Variants in CSNK1G1 observed in about 807,000 individuals in gnomAD.
The protein encoded by CSNK1G1 is casein kinase 1 gamma 1.
CSNK1G1 carries 22 observed loss-of-function variants against 59.6 expected under a neutral mutation model. That is an observed-to-expected ratio of 0.37 (90% CI 0.26 to 0.53). The LOEUF (loss-of-function observed/expected upper bound fraction) is 0.53, where lower values mean the gene tolerates loss of function less well. CSNK1G1 is among the 20% of genes least tolerant of loss of function. CSNK1G1 has a pLI of 0.89. For synonymous variants in CSNK1G1, 179 were observed against 177.1 expected, an observed-to-expected ratio of 1.01 and a Z score of -0.08; for missense variants, 384 against 519.5, an observed-to-expected ratio of 0.74 and a Z score of 2.54.
intron 1 of CSNK1G1, among the ~76,000 whole-genome samples, chr15:64,327,045 T>C (rs1401455734): frequency 6.6e-6 from 1 of 151,108 alleles, no homozygotes; most frequent in Non-Finnish European, 1.5e-5. Context: ...TCTCGCTGAT[T>C]GCTAGCACAG....
chr15:64,289,079 G>A (rs148818025), intron 2 of CSNK1G1, among the ~76,000 whole-genome samples: 1,871 of 151,762 alleles, frequency 0.012, 29 homozygotes, highest in African/African-American at 0.044. Context: ...AGAGGCTGAG[G>A]CAAGGCACGA....
At chr15:64,194,641 C>T (rs1372695501) in intron 10 of CSNK1G1, among the ~76,000 whole-genome samples, 1 of 151,760 alleles carries the variant, frequency 6.6e-6, no homozygotes, top group Non-Finnish European at 1.5e-5. Flanking sequence ...CTCAGCCTCC[C>T]AAGTAGCTGG....
rs954270885 is a variant in CSNK1G1 at position 64,188,215 on chromosome 15, G to A, written c.1108-7761C>T. Among the ~76,000 whole-genome samples the A allele has an allele frequency of 3.9e-5, 6 of 152,096 alleles. No individual in the cohort carries two copies. The highest frequency in any genetic ancestry group is 1.2e-4 in the African/African-American group (5 of 41,402). On this transcript the variant is annotated intron_variant, in intron 10 of 11. Coordinates refer to ENST00000303052, the MANE Select transcript of CSNK1G1 (RefSeq NM_022048.5). The surrounding 1 kb of genome is among the most constrained non-coding windows in gnomAD (Gnocchi z 4.2). ...ACAGGAAGTAATCATTTTAACAAGC[G>A]ACTCTTACCCAAGTCCACCTAGACA...
chr15:64,194,896 G>C (rs1243185331), intron 10 of CSNK1G1: 10 of 152,082 alleles, frequency 6.6e-5, no homozygotes, highest in Non-Finnish European at 1.3e-4. Context: ...TCTTTTACTG[G>C]AGGCATATCT....
Position 64,316,202 on chromosome 15 carries a change from AAAACAAACAAAC to A in CSNK1G1, c.-224-15491_-224-15480del, listed in dbSNP as rs60125774. Among the ~76,000 whole-genome samples the A allele has an allele frequency of 6.1e-3, 909 of 149,770 alleles. 1 individual carries two copies. The highest frequency in any genetic ancestry group is 6.6e-3 in the Non-Finnish European group (449 of 67,526). ...CCACTGGCACTCAGTTTTGCTTTTT[AAAACAAACAAAC>A]AAACAAACAAACAAACAAACAAACA... On this transcript the variant is annotated intron_variant, in intron 1 of 11. Transcript: ENST00000303052.
rs1275259841 is a variant in CSNK1G1 at position 64,300,307 on chromosome 15, C to T, written c.181+12G>A. On this transcript the variant is annotated intron_variant, in intron 2 of 11. Coordinates refer to ENST00000303052, the MANE Select transcript of CSNK1G1 (RefSeq NM_022048.5). ...TTGTTAGTAGAAGTCACTGACATAA[C>T]CAAGTGCTTACCTAATCTGAGCTCT... The T allele has an allele frequency of 1.2e-6, 2 of 1,613,038 alleles. No homozygotes were observed. The highest frequency in any genetic ancestry group is 1.7e-6 in the Non-Finnish European group (2 of 1,179,218).
chr15:64,320,614 G>T (rs561436861), intron 1 of CSNK1G1, among the ~76,000 whole-genome samples: 1 of 150,370 alleles, frequency 6.7e-6, no homozygotes, highest in East Asian at 2.0e-4. Context: ...AGGAAGTGGA[G>T]GTTGCAGTGA....
chr15:64,224,875 T>A (rs911814881), intron 4 of CSNK1G1, among the ~76,000 whole-genome samples: 2 of 152,124 alleles, frequency 1.3e-5, no homozygotes, highest in Non-Finnish European at 2.9e-5. Context: ...TACATACACA[T>A]AATTATGAAT....
At chr15:64,292,908 T>A (rs1045190998) in intron 2 of CSNK1G1, among the ~76,000 whole-genome samples, 2 of 152,022 alleles carry the variant, frequency 1.3e-5, no homozygotes, top group Non-Finnish European at 2.9e-5. Flanking sequence ...AGCCTGGTGA[T>A]AGAGCGAGAC....
In CSNK1G1 at chr15:64,325,321, T is replaced by TC. The variant is rs777590810; in HGVS notation, c.-224-24599dup. On this transcript the variant is annotated intron_variant, in intron 1 of 11. Coordinates refer to ENST00000303052, the MANE Select transcript of CSNK1G1 (RefSeq NM_022048.5). The stretch of plus-strand genomic sequence containing the variant: ...GTTTGAATTCTACAAATGTATATGC[T>TC]CAGCTTTCAGACTCATCTTTCATTA... 3.3e-5 allele frequency among the ~76,000 whole-genome samples: 5 copies of TC among 151,958 alleles called. No homozygotes were observed. In the East Asian group the frequency reaches 5.8e-4, roughly 18 times the overall value.
chr15:64,197,719 A>T (rs1356738424), intron 10 of CSNK1G1, among the ~76,000 whole-genome samples: 1 of 152,176 alleles, frequency 6.6e-6, no homozygotes, highest in African/African-American at 2.4e-5. Flanking sequence ...TTCTGTGCCA[A>T]AAGATTTCAA....
chr15:64,187,635 T>C (rs902550158), intron 10 of CSNK1G1, among the ~76,000 whole-genome samples: 2 of 152,232 alleles, frequency 1.3e-5, no homozygotes, highest in African/African-American at 2.4e-5. Context: ...CCAAGATGCA[T>C]TTCTACATGT....
chr15:64,294,277 T>G (rs1278290859), intron 2 of CSNK1G1, among the ~76,000 whole-genome samples: 1 of 152,074 alleles, frequency 6.6e-6, no homozygotes, highest in African/African-American at 2.4e-5. Context: ...TTTCACCATG[T>G]TGGCCAGGCT....
In CSNK1G1 at chr15:64,180,494, C is replaced by T. The variant is rs1212755569; in HGVS notation, c.1108-40G>A. 2.7e-6 allele frequency: 4 copies of T among 1,509,308 alleles called. No homozygotes were observed. The African/African-American group carries it at 5.5e-5, about 21-fold the overall frequency. The allele number at this position is 1,509,308 out of a possible 1,614,324, so 93.5% of individuals were successfully genotyped here. ...CAGAAGTGTGTGACAGGCACCATGG[C>T]AACAGAAATCTCTTGCCAGCGCCAG... On this transcript the variant is annotated intron_variant, in intron 10 of 11. Transcript: ENST00000303052.
chr15:64,310,448 G>A (rs1001539232), intron 1 of CSNK1G1, among the ~76,000 whole-genome samples: 5 of 151,904 alleles, frequency 3.3e-5, no homozygotes, highest in Non-Finnish European at 1.5e-5. Flanking sequence ...GGGCACGGTG[G>A]CTCATACCTA....
chr15:64,348,493 A>C (rs1364261867), intron 1 of CSNK1G1: 1 of 152,228 alleles, frequency 6.6e-6, no homozygotes, highest in African/African-American at 2.4e-5. Context: ...ATTAATGAAA[A>C]AAACACAATA....
At chr15:64,288,175 G>C (rs1042141479) in intron 2 of CSNK1G1, among the ~76,000 whole-genome samples, 4 of 151,986 alleles carry the variant, frequency 2.6e-5, no homozygotes, top group Admixed American at 1.3e-4. Flanking sequence ...AATTCTGAGG[G>C]AAGGAATGAT....
intron 1 of CSNK1G1, among the ~76,000 whole-genome samples, chr15:64,342,256 C>A (rs945185519): frequency 4.6e-5 from 7 of 152,198 alleles, no homozygotes; most frequent in African/African-American, 1.7e-4. Flanking sequence ...TCAGAAGTAA[C>A]CTTCCTTTCT....
chr15:64,207,704 A>T, intron 6 of CSNK1G1, 110 bp from the exon 7 acceptor site: 2 of 737,022 alleles, frequency 2.7e-6, no homozygotes, highest in Non-Finnish European at 4.7e-6. Context: ...GGCTCTGCTT[A>T]CTAATTACTT....
Sources: allele counts gnomAD v4.1 joint callset (sites outside exome capture counted in the v4.1 genomes callset), GRCh38; gene constraint gnomAD v4.1.1; non-coding constraint Gnocchi (gnomAD v3.1); transcripts MANE v1.5; gene names NCBI Gene and HGNC (gene_info 2026-07-23, HGNC 2026-07-21).